Variants in CACNA2D1 observed in about 807,000 individuals in gnomAD.
The protein encoded by CACNA2D1 is voltage-dependent calcium channel subunit alpha-2/delta-1.
CACNA2D1 carries 53 observed loss-of-function variants against 171.5 expected under a neutral mutation model. That is an observed-to-expected ratio of 0.31 (90% CI 0.25 to 0.39). CACNA2D1 has a LOEUF of 0.39. Among genes scored for constraint, CACNA2D1 ranks in the 10% least tolerant of loss-of-function variants. CACNA2D1 has a pLI of 1.00. For synonymous variants in CACNA2D1, 442 were observed against 443.1 expected (o/e 1.00, Z 0.03); for missense variants, 903 against 1,299.8 (o/e 0.69, Z 4.69).
chr7:82,039,244 C>T (rs1463547015), intron 10 of CACNA2D1, among the ~76,000 whole-genome samples: 1 of 144,602 alleles, frequency 6.9e-6, no homozygotes, highest in African/African-American at 2.5e-5. Flanking sequence ...CATATTCTTG[C>T]AAATATAATT....
chr7:82,206,893 G>T (rs753523855), intron 3 of CACNA2D1, among the ~76,000 whole-genome samples: 1 of 152,006 alleles, frequency 6.6e-6, no homozygotes, highest in Non-Finnish European at 1.5e-5. Flanking sequence ...ATTCTTTAGA[G>T]AATAAACATC....
intron 15 of CACNA2D1, among the ~76,000 whole-genome samples, chr7:82,011,092 G>C (rs1459118254): frequency 2.0e-5 from 3 of 151,982 alleles, no homozygotes; most frequent in Non-Finnish European, 4.4e-5. Context: ...TGACATTTTT[G>C]GAGGGAAAAT....
intron 3 of CACNA2D1, among the ~76,000 whole-genome samples, chr7:82,193,693 C>G (rs1487552598): frequency 6.6e-6 from 1 of 151,956 alleles, no homozygotes; most frequent in Non-Finnish European, 1.5e-5. Context: ...TGAAATTTAT[C>G]TTCCCCCCAA....
intron 6 of CACNA2D1, among the ~76,000 whole-genome samples, chr7:82,110,676 C>T (rs1788273458): frequency 1.3e-5 from 2 of 152,112 alleles, no homozygotes; most frequent in Admixed American, 1.3e-4. Flanking sequence ...CATGCTCCTG[C>T]CTGAAGATCT....
At chr7:81,967,042 C>A in intron 31 of CACNA2D1, 127 bp downstream of exon 31, 2 of 663,516 alleles carry the variant, frequency 3.0e-6, no homozygotes, top group South Asian at 1.9e-5. Context: ...TATATTATTT[C>A]ACATTTCCAT....
At chr7:82,442,478 T>C (rs1469296877) in intron 1 of CACNA2D1, among the ~76,000 whole-genome samples, 2 of 152,236 alleles carry the variant, frequency 1.3e-5, no homozygotes, top group Non-Finnish European at 2.9e-5. Flanking sequence ...TATATATTTA[T>C]ATGTGCCATT....
chr7:82,161,096 T>A (rs190908717), intron 4 of CACNA2D1, among the ~76,000 whole-genome samples: 22 of 152,120 alleles, frequency 1.4e-4, no homozygotes, highest in Non-Finnish European at 2.9e-4. Context: ...TGTGGAAAAG[T>A]CTGATTGGAT....
At chr7:82,393,465 T>G (rs932952315) in intron 1 of CACNA2D1, among the ~76,000 whole-genome samples, 2 of 152,202 alleles carry the variant, frequency 1.3e-5, no homozygotes, top group African/African-American at 4.8e-5. Context: ...ATAAGATATA[T>G]ATTGAAATTA....
chr7:82,235,311 T>C (rs1278321045), intron 3 of CACNA2D1, among the ~76,000 whole-genome samples: 3 of 152,138 alleles, frequency 2.0e-5, no homozygotes, highest in Non-Finnish European at 4.4e-5. Flanking sequence ...CAAGTGCTAG[T>C]ATAAAGTAGA....
intron 1 of CACNA2D1, among the ~76,000 whole-genome samples, chr7:82,382,699 G>A (rs536743442): frequency 3.0e-4 from 45 of 152,258 alleles, no homozygotes; most frequent in East Asian, 1.9e-4. Context: ...TCCATAATGC[G>A]CTTTGTGAAA....
At chr7:82,218,439 C>G (rs1206414672) in intron 3 of CACNA2D1, among the ~76,000 whole-genome samples, 4 of 152,152 alleles carry the variant, frequency 2.6e-5, no homozygotes, top group African/African-American at 9.7e-5. Flanking sequence ...CACAGCTTCT[C>G]TTAGGAAACA....
At chr7:82,041,840 GA>G (rs1326476873) in intron 10 of CACNA2D1, among the ~76,000 whole-genome samples, 1 of 152,150 alleles carries the variant, frequency 6.6e-6, no homozygotes, top group African/African-American at 2.4e-5. Flanking sequence ...TGACCTTAGA[GA>G]ATTATTAGAA....
chr7:82,297,033 G>A (rs535580683), intron 3 of CACNA2D1, among the ~76,000 whole-genome samples: 1 of 137,140 alleles, frequency 7.3e-6, no homozygotes, highest in South Asian at 2.3e-4. Context: ...CCAGGAGTTG[G>A]AGACCAGCCA....
intron 3 of CACNA2D1, among the ~76,000 whole-genome samples, chr7:82,195,307 A>T (rs1244638095): frequency 6.6e-6 from 1 of 151,942 alleles, no homozygotes; most frequent in East Asian, 1.9e-4. Flanking sequence ...GTAACACTTC[A>T]TGTAAAATGG....
Position 82,285,102 on chromosome 7 carries a change from C to G in CACNA2D1, c.294+50033G>C, listed in dbSNP as rs76844725. On this transcript the variant is annotated intron_variant, in intron 3 of 38. Transcript: ENST00000356860. ...ACAACCACCCCCAGTGCTGCTTAAT[C>G]ACTGCACATAGACATGTAAGCCTCC... Among the ~76,000 whole-genome samples the G allele has an allele frequency of 5.0e-3, 765 of 152,170 alleles. 18 individuals are homozygous for G. The East Asian group carries it at 0.079, about 16-fold the overall frequency.
intron 3 of CACNA2D1, among the ~76,000 whole-genome samples, chr7:82,285,115 C>T (rs940291367): frequency 1.4e-4 from 21 of 152,050 alleles, no homozygotes; most frequent in Non-Finnish European, 4.4e-5. Context: ...TGCACATAGA[C>T]ATGTAAGCCT....
chr7:82,059,790 T>C (rs575428019), intron 10 of CACNA2D1, among the ~76,000 whole-genome samples: 1 of 150,762 alleles, frequency 6.6e-6, no homozygotes, highest in African/African-American at 2.4e-5. Context: ...ATGTGGCACA[T>C]ATACACCATG....
At chr7:82,300,751 T>C (rs1205070803) in intron 3 of CACNA2D1, among the ~76,000 whole-genome samples, 1 of 151,930 alleles carries the variant, frequency 6.6e-6, no homozygotes, top group African/African-American at 2.4e-5. Flanking sequence ...TCCACAAATC[T>C]GTCTTCTATA....
chr7:82,426,463 T>A (rs1451501926), intron 1 of CACNA2D1, among the ~76,000 whole-genome samples: 3 of 152,146 alleles, frequency 2.0e-5, no homozygotes, highest in Non-Finnish European at 4.4e-5. Flanking sequence ...GAATTGATAC[T>A]TTAAACAGCA....
Sources: gnomAD v4.1 joint callset for allele counts (sites outside exome capture counted in the v4.1 genomes callset) on GRCh38, gnomAD v4.1.1 for gene constraint, MANE v1.5 for transcripts, NCBI Gene and HGNC (gene_info 2026-07-23, HGNC 2026-07-21) for gene names.